Variants in LRRC8B observed in about 807,000 individuals in gnomAD.
The protein encoded by LRRC8B is leucine rich repeat containing 8 VRAC subunit B, also known as volume-regulated anion channel subunit LRRC8B.
Under a neutral mutation model 58.8 loss-of-function variants are expected in LRRC8B, and 23 were observed. The observed-to-expected ratio is 0.39, with a 90% CI of 0.28 to 0.55. The LOEUF is 0.55. Ranked by LOEUF, LRRC8B falls within the 20% of genes least tolerant of loss-of-function variation. The pLI is 0.62. For synonymous variants in LRRC8B, 359 were observed against 374.1 expected (o/e 0.96, Z 0.47); for missense variants, 694 against 936.0 (o/e 0.74, Z 3.37).
At chr1:89,531,151 T>C (rs1299329199) in intron 1 of LRRC8B, among the ~76,000 whole-genome samples, 7 of 152,188 alleles carry the variant, frequency 4.6e-5, no homozygotes, top group Non-Finnish European at 8.8e-5. Context: ...AGTTTATTCC[T>C]GGCCCTATTT....
intron 1 of LRRC8B, among the ~76,000 whole-genome samples, chr1:89,541,861 G>A (rs1347318861): frequency 6.6e-6 from 1 of 151,322 alleles, no homozygotes; most frequent in Non-Finnish European, 1.5e-5. Flanking sequence ...CCACATGCCT[G>A]AAGTAGCCAC....
intron 1 of LRRC8B, among the ~76,000 whole-genome samples, chr1:89,545,392 A>G (rs1462059949): frequency 3.3e-5 from 5 of 152,196 alleles, no homozygotes; most frequent in Non-Finnish European, 5.9e-5. Context: ...ATTAATTCCT[A>G]TTCCTCAGAG....
At chr1:89,545,147 C>T (rs1651306734) in intron 1 of LRRC8B, among the ~76,000 whole-genome samples, 1 of 152,164 alleles carries the variant, frequency 6.6e-6, no homozygotes, top group Admixed American at 6.5e-5. Flanking sequence ...CCCATCTGAT[C>T]TCTGCACTAT....
At chr1:89,579,126 G>A (rs1181980380) in intron 3 of LRRC8B, among the ~76,000 whole-genome samples, 1 of 151,956 alleles carries the variant, frequency 6.6e-6, no homozygotes, top group Non-Finnish European at 1.5e-5. Context: ...GTGACAAGCT[G>A]TCTGAAAAAT....
chr1:89,558,278 G>A (rs576503432), intron 1 of LRRC8B, among the ~76,000 whole-genome samples: 2 of 152,206 alleles, frequency 1.3e-5, no homozygotes, highest in South Asian at 4.2e-4. Context: ...TAGCACTCCT[G>A]GGAAGGAAAC....
At chr1:89,580,513 C>T (rs1406568125) in intron 4 of LRRC8B, among the ~76,000 whole-genome samples, 1 of 152,210 alleles carries the variant, frequency 6.6e-6, no homozygotes, top group Non-Finnish European at 1.5e-5. Flanking sequence ...CCATCCCTCA[C>T]ACCCCTGGCC....
intron 3 of LRRC8B, among the ~76,000 whole-genome samples, chr1:89,568,723 G>T (rs1240038537): frequency 2.6e-5 from 4 of 152,016 alleles, no homozygotes; most frequent in Admixed American, 2.6e-4. Context: ...GATTTTGTAT[G>T]CAGGAAAATA....
chr1:89,550,755 C>T (rs1362870363), intron 1 of LRRC8B, among the ~76,000 whole-genome samples: 1 of 152,100 alleles, frequency 6.6e-6, no homozygotes, highest in South Asian at 2.1e-4. Flanking sequence ...ACAGTTCTGC[C>T]TAAATTCCTT....
chr1:89,585,147 T>G (rs1487016810), intron 5 of LRRC8B, among the ~76,000 whole-genome samples: 2 of 152,224 alleles, frequency 1.3e-5, no homozygotes, highest in African/African-American at 2.4e-5. Flanking sequence ...TTTAGGTATT[T>G]AGGGAGTTTG....
intron 1 of LRRC8B, among the ~76,000 whole-genome samples, chr1:89,551,441 T>C (rs377639868): frequency 2.4e-4 from 37 of 152,324 alleles, no homozygotes; most frequent in African/African-American, 7.9e-4. Flanking sequence ...ATTATATAGA[T>C]GTTCAGAGTT....
intron 1 of LRRC8B, among the ~76,000 whole-genome samples, chr1:89,537,158 G>T: frequency 6.6e-6 from 1 of 152,152 alleles, no homozygotes; most frequent in East Asian, 1.9e-4. Flanking sequence ...GTAACACCAG[G>T]TCTGGTAGGG....
chr1:89,587,663 G>T (rs1459263472), intron 5 of LRRC8B, among the ~76,000 whole-genome samples: 1 of 152,196 alleles, frequency 6.6e-6, no homozygotes, highest in African/African-American at 2.4e-5. Context: ...CATTTTAAAA[G>T]TCTGATCTCA....
At chr1:89,529,080 A>T (rs1399881367) in intron 1 of LRRC8B, among the ~76,000 whole-genome samples, 3 of 152,130 alleles carry the variant, frequency 2.0e-5, no homozygotes, top group Non-Finnish European at 4.4e-5. Flanking sequence ...GCTATCCTAA[A>T]TCTCTTTTTT....
intron 1 of LRRC8B, among the ~76,000 whole-genome samples, chr1:89,542,763 TTAACA>T (rs1175070116): frequency 6.6e-6 from 1 of 152,242 alleles, no homozygotes; most frequent in East Asian, 1.9e-4. Context: ...ATAAAAATAC[TTAACA>T]TAAAGTTATC....
At chr1:89,581,273 CAAAAAAAAAAA>C (rs5776023) in intron 4 of LRRC8B, among the ~76,000 whole-genome samples, 2 of 72,558 alleles carry the variant, frequency 2.8e-5, no homozygotes, top group Non-Finnish European at 5.0e-5. Context: ...GACTCCGTCT[CAAAAAAAAAAA>C]AAAAAAAAAA....
chr1:89,575,855 T>C (rs537409311), intron 3 of LRRC8B, among the ~76,000 whole-genome samples: 9 of 152,332 alleles, frequency 5.9e-5, no homozygotes, highest in Admixed American at 5.9e-4. Flanking sequence ...GAATTTTAAT[T>C]TCCCTTGACT....
At chr1:89,546,177 G>A (rs1003118014) in intron 1 of LRRC8B, among the ~76,000 whole-genome samples, 3 of 152,126 alleles carry the variant, frequency 2.0e-5, no homozygotes, top group African/African-American at 4.8e-5. Context: ...TTGGAAAAGC[G>A]GCCTGGTACC....
At chr1:89,531,589 A>C (rs1245171607) in intron 1 of LRRC8B, among the ~76,000 whole-genome samples, 1 of 152,142 alleles carries the variant, frequency 6.6e-6, no homozygotes, top group Admixed American at 6.5e-5. Context: ...AATAGATGGT[A>C]AATGTTTCTT....
At chr1:89,534,219 A>T (rs1650352123) in intron 1 of LRRC8B, among the ~76,000 whole-genome samples, 1 of 152,182 alleles carries the variant, frequency 6.6e-6, no homozygotes, top group South Asian at 2.1e-4. Context: ...TAATGTCTGA[A>T]ATTTTTCATC....
Sources: gnomAD v4.1 joint callset for allele counts (sites outside exome capture counted in the v4.1 genomes callset) on GRCh38, gnomAD v4.1.1 for gene constraint, MANE v1.5 for transcripts, NCBI Gene and HGNC (gene_info 2026-07-23, HGNC 2026-07-21) for gene names.